Variants in DHX15 observed in about 807,000 individuals in gnomAD.
The protein encoded by DHX15 is ATP-dependent RNA helicase DHX15.
A neutral mutation model predicts 94.4 loss-of-function variants in DHX15; 11 were observed. The ratio of observed to expected loss-of-function variants is 0.12; its 90% CI spans 0.07 to 0.19. The LOEUF is 0.19. DHX15 is among the 10% of genes least tolerant of loss of function. DHX15 has a pLI of 1.00. For missense variants in DHX15, 304 were observed against 988.5 expected (o/e 0.31, Z 9.29); for synonymous variants, 338 against 329.9 (o/e 1.02, Z -0.27).
At chr4:24,549,323 T>A (rs951063822) in intron 5 of DHX15, among the ~76,000 whole-genome samples, 1 of 152,232 alleles carries the variant, frequency 6.6e-6, no homozygotes, top group African/African-American at 2.4e-5. Context: ...AATTGAAATT[T>A]CTCACTCAGG....
At position 24,584,365 on chromosome 4, in the gene DHX15, C is replaced by A; in HGVS notation, c.29G>T (p.Gly10Val). ...CTTCTTGCCAGAGGGGTAATCCTCC[C>A]CTAGGTCCAACCGGTGCCGCTTGGA... MSKRHRLDL[G>V]EDYPSGKKRA... The change falls in exon 1 of 14, where the codon GGG becomes GTG. Residue 10 changes from glycine (G) to valine (V), a missense_variant. Physicochemically the swap from Gly to Val is moderately radical, Grantham distance 109. Around this residue, in one of 9 missense-constraint regions of DHX15, gnomAD observed 143 missense variants for 200.5 expected, o/e 0.71. Coordinates refer to ENST00000336812, the MANE Select transcript of DHX15 (RefSeq NM_001358.3). 2 of 1,613,176 alleles carry A rather than the reference C, an allele frequency of 1.2e-6. No homozygotes were observed. Among genetic ancestry groups the A allele is most frequent in the Non-Finnish European group, 1.7e-6 (2 of 1,179,616 alleles).
intron 2 of DHX15, among the ~76,000 whole-genome samples, chr4:24,575,714 A>G (rs906873805): frequency 7.2e-5 from 11 of 152,198 alleles, no homozygotes; most frequent in African/African-American, 2.2e-4. Context: ...ATGTCTATCA[A>G]CAGGGGTCTA....
At chr4:24,569,019 T>C (rs369332557) in intron 3 of DHX15, among the ~76,000 whole-genome samples, 2 of 152,336 alleles carry the variant, frequency 1.3e-5, no homozygotes. Flanking sequence ...AATAAAAAGT[T>C]CTAATAAAAT....
At chr4:24,578,768 T>A (rs1346872050) in intron 1 of DHX15, among the ~76,000 whole-genome samples, 1 of 152,130 alleles carries the variant, frequency 6.6e-6, no homozygotes, top group Non-Finnish European at 1.5e-5. Flanking sequence ...TCTCACCATG[T>A]TGCCCAGGAT....
At chr4:24,546,001 T>C (rs1056257481) in intron 6 of DHX15, among the ~76,000 whole-genome samples, 4 of 152,178 alleles carry the variant, frequency 2.6e-5, no homozygotes, top group African/African-American at 4.8e-5. Context: ...TCACTTTTTT[T>C]CTAATAGAAC....
intron 5 of DHX15, among the ~76,000 whole-genome samples, chr4:24,549,842 C>T (rs1361476838): frequency 6.6e-6 from 1 of 151,870 alleles, no homozygotes; most frequent in Non-Finnish European, 1.5e-5. Flanking sequence ...ACCTGTAATC[C>T]CAGCACTTTG....
chr4:24,580,423 T>G (rs1397451198), intron 1 of DHX15, among the ~76,000 whole-genome samples: 1 of 151,784 alleles, frequency 6.6e-6, no homozygotes, highest in African/African-American at 2.4e-5. Flanking sequence ...ATAAAAAAAT[T>G]CTACATGGAA....
intron 11 of DHX15, among the ~76,000 whole-genome samples, chr4:24,535,443 G>T (rs1189631750): frequency 6.6e-6 from 1 of 152,154 alleles, no homozygotes; most frequent in Non-Finnish European, 1.5e-5. Context: ...AATACAGTAG[G>T]TTTTTTGAGT....
intron 5 of DHX15, among the ~76,000 whole-genome samples, chr4:24,552,559 T>C (rs1721631362): frequency 1.3e-5 from 2 of 152,146 alleles, no homozygotes; most frequent in South Asian, 2.1e-4. Flanking sequence ...CTATTCAAAT[T>C]TATGAAGAAA....
intron 1 of DHX15, among the ~76,000 whole-genome samples, chr4:24,581,723 A>C (rs1163319210): frequency 6.6e-6 from 1 of 152,218 alleles, no homozygotes; most frequent in Non-Finnish European, 1.5e-5. Flanking sequence ...ATCAAAAACC[A>C]ACATCAAAAT....
chr4:24,571,742 A>C (rs956764917), intron 2 of DHX15, among the ~76,000 whole-genome samples: 1 of 152,246 alleles, frequency 6.6e-6, no homozygotes, highest in Non-Finnish European at 1.5e-5. Flanking sequence ...CAGTATCAGT[A>C]CAGTAAAACT....
At chr4:24,535,098 G>A (rs6448280) in intron 11 of DHX15, among the ~76,000 whole-genome samples, 8,167 of 151,818 alleles carry the variant, frequency 0.054, 338 homozygotes, top group African/African-American at 0.11. Context: ...ACCACCAATG[G>A]CTAATCATCC....
At chr4:24,546,615 CTT>C (rs1008275960) in intron 6 of DHX15, among the ~76,000 whole-genome samples, 102 of 152,222 alleles carry the variant, frequency 6.7e-4, no homozygotes, top group African/African-American at 2.4e-3. Flanking sequence ...CATTCTCAAC[CTT>C]TCTTGATTGC....
At chr4:24,568,235 T>C (rs1722038976) in intron 3 of DHX15, among the ~76,000 whole-genome samples, 1 of 152,216 alleles carries the variant, frequency 6.6e-6, no homozygotes, top group Non-Finnish European at 1.5e-5. Flanking sequence ...TATATAAGCA[T>C]TTTATATCTA....
Position 24,584,451 on chromosome 4 carries a change from C to G in DHX15, c.-58G>C. The G allele has an allele frequency of 6.6e-7, 1 of 1,518,362 alleles. No individual in the cohort carries two copies. Among genetic ancestry groups the G allele is most frequent in the East Asian group, 2.4e-5 (1 of 40,974 alleles). 94.1% of individuals were successfully genotyped at this position (1,518,362 alleles called of 1,614,324 possible). On this transcript the variant is annotated 5_prime_UTR_variant, in exon 1 of 14. Transcript: ENST00000336812. ...AAGAAAGCTGGCTGCTGTATGGGCA[C>G]AGTCGAGGACAGCCACTTAACTCTG...
intron 11 of DHX15, 166 bp from the exon 12 acceptor site, chr4:24,533,220 A>T (rs1394044323): frequency 1.5e-6 from 1 of 654,528 alleles, no homozygotes; most frequent in South Asian, 1.8e-5. Context: ...ACTTTCTCAA[A>T]GATCTGTAGT....
At chr4:24,528,306 G>A (rs1721002478) in intron 13 of DHX15, among the ~76,000 whole-genome samples, 1 of 152,112 alleles carries the variant, frequency 6.6e-6, no homozygotes, top group African/African-American at 2.4e-5. Context: ...TTAATGTAAA[G>A]ATAACAGATA....
intron 1 of DHX15, chr4:24,584,077 T>C: frequency 1.9e-6 from 1 of 518,738 alleles, no homozygotes; most frequent in Non-Finnish European, 3.4e-6. Flanking sequence ...GGCGCCCTCA[T>C]GGCTACTGCA....
chr4:24,529,618 T>A lies in DHX15; in HGVS notation c.2253A>T (p.Thr751=). 1 of 1,614,164 alleles carries A rather than the reference T, an allele frequency of 6.2e-7. No individual in the cohort carries two copies. Among genetic ancestry groups the A allele is most frequent in the Non-Finnish European group, 8.5e-7 (1 of 1,180,022 alleles). The change falls in exon 13 of 14, where the codon ACA becomes ACT. Residue 751 remains threonine (T), a synonymous_variant. Coordinates refer to ENST00000336812, the MANE Select transcript of DHX15 (RefSeq NM_001358.3). ...LTTKNYIRTC[T]DIKPEWLVKI... is the part of the protein sequence containing the mutation. ...GTACTTACCATTCTGGCTTGATATC[T>A]GTACATGTCCGGATGTAATTCTTTG...
Sources: gnomAD v4.1 joint callset for allele counts (sites outside exome capture counted in the v4.1 genomes callset) on GRCh38, gnomAD v4.1.1 for gene constraint, gnomAD v4.1.1 regional missense constraint, MANE v1.5 for transcripts, NCBI Gene and HGNC (gene_info 2026-07-23, HGNC 2026-07-21) for gene names.